KAZN: variants seen among roughly 807,000 people sequenced by gnomAD.
KAZN encodes the protein kazrin.
Under a neutral mutation model 87.4 loss-of-function variants are expected in KAZN, and 40 were observed. The ratio of observed to expected loss-of-function variants is 0.46; its 90% confidence interval spans 0.36 to 0.60. The LOEUF (loss-of-function observed/expected upper bound fraction) is 0.60. Ranked by LOEUF, KAZN falls within the 20% of genes least tolerant of loss-of-function variation. KAZN has a pLI of 0.00. For missense variants in KAZN, 898 were observed against 1,073.9 expected, an observed-to-expected ratio of 0.84 and a Z score of 2.29; for synonymous variants, 466 against 458.3, an observed-to-expected ratio of 1.02 and a Z score of -0.22.
rs940830211 is a variant in KAZN, at chr1:14,666,039, T to TA, written c.226+66827dup. Among the ~76,000 whole-genome samples the TA allele has an allele frequency of 1.0e-3, 146 of 145,236 alleles. 1 individual carries two copies. Among genetic ancestry groups the TA allele is most frequent in the African/African-American group, 2.6e-3 (104 of 39,624 alleles). ...CCTCAGCCATCTCATCCTTGGAATT[T>TA]AAAAAAAAAAAGCTTTACAGAGAAG... is the stretch of plus-strand genomic sequence containing the variant. On this transcript the variant is annotated intron_variant, in intron 1 of 14. Coordinates refer to ENST00000376030, the MANE Select transcript of KAZN (RefSeq NM_201628.3).
intron 2 of KAZN, among the ~76,000 whole-genome samples, chr1:14,300,413 G>A (rs540403333): frequency 1.3e-5 from 2 of 151,992 alleles, no homozygotes; most frequent in African/African-American, 4.8e-5. Flanking sequence ...TGAATTTTCT[G>A]TAGAGATGAG....
At chr1:14,315,886 A>AT (rs144726128) in intron 2 of KAZN, among the ~76,000 whole-genome samples, 13,426 of 149,276 alleles carry the variant, frequency 0.09, 744 homozygotes, top group East Asian at 0.23. Context: ...TTGTATGAAC[A>AT]TTTTTTTTTT....
chr1:13,990,043 G>A (rs1391914337), intron 1 of KAZN, among the ~76,000 whole-genome samples: 1 of 152,204 alleles, frequency 6.6e-6, no homozygotes, highest in African/African-American at 2.4e-5. Context: ...CCAATAGGGA[G>A]ACTGAAACAG....
chr1:14,866,718 CTG>C (rs776887590), intron 1 of KAZN, among the ~76,000 whole-genome samples: 14 of 152,160 alleles, frequency 9.2e-5, no homozygotes, highest in Non-Finnish European at 1.8e-4. Context: ...CAGACTGAGA[CTG>C]TGTCTCTTAA....
chr1:14,373,273 G>A (rs1344513784), intron 2 of KAZN, among the ~76,000 whole-genome samples: 1 of 151,766 alleles, frequency 6.6e-6, no homozygotes, highest in African/African-American at 2.4e-5. Flanking sequence ...CATGGAGACT[G>A]AGAAATCCCA....
chr1:14,385,946 C>G (rs1186087226), intron 2 of KAZN, among the ~76,000 whole-genome samples: 1 of 150,514 alleles, frequency 6.6e-6, no homozygotes, highest in Non-Finnish European at 1.5e-5. Flanking sequence ...GTGTGGGAGT[C>G]TAAGTCTCTT....
intron 1 of KAZN, among the ~76,000 whole-genome samples, chr1:14,919,938 C>T (rs897461145): frequency 6.6e-5 from 10 of 152,096 alleles, no homozygotes; most frequent in East Asian, 3.9e-4. Flanking sequence ...TGGGTAAGTA[C>T]GCTTTATGAT....
In KAZN at chr1:14,773,105, C is replaced by T. The variant is rs1435492180; in HGVS notation, c.226+173882C>T. Among the ~76,000 whole-genome samples the T allele has an allele frequency of 6.6e-6, 1 of 152,150 alleles. No homozygotes were observed. The highest frequency in any genetic ancestry group is 1.5e-5 in the Non-Finnish European group (1 of 68,024). On this transcript the variant is annotated intron_variant, in intron 1 of 14. Transcript: ENST00000376030. The surrounding 1 kb of genome is among the most constrained non-coding windows in gnomAD (Gnocchi z 5.9). ...CCCTAGTCCCCCACAAAGGTAGCAT[C>T]TGGTGGAGAGAAAAGGTTGCCCTCT...
At chr1:14,155,305 C>G (rs1645568588) in intron 1 of KAZN, among the ~76,000 whole-genome samples, 1 of 152,038 alleles carries the variant, frequency 6.6e-6, no homozygotes, top group Non-Finnish European at 1.5e-5. Flanking sequence ...TCTAGATTTT[C>G]CAATTTATTG....
intron 1 of KAZN, among the ~76,000 whole-genome samples, chr1:14,093,813 A>G (rs1271520486): frequency 2.6e-5 from 4 of 152,244 alleles, no homozygotes; most frequent in Non-Finnish European, 5.9e-5. Context: ...GGTTCAATGA[A>G]GAAGATTCTC....
chr1:13,919,143 A>G (rs932223897), intron 1 of KAZN, among the ~76,000 whole-genome samples: 2 of 152,242 alleles, frequency 1.3e-5, no homozygotes, highest in Admixed American at 1.3e-4. Flanking sequence ...CTGTATAACC[A>G]CTTCTCAGCA....
chr1:15,058,824 G>A (rs535225926), intron 5 of KAZN, among the ~76,000 whole-genome samples: 2 of 152,210 alleles, frequency 1.3e-5, no homozygotes, highest in Non-Finnish European at 2.9e-5. Context: ...TTCGAGACCA[G>A]CCTGGCCAGC....
chr1:14,558,547 AT>A (rs1674055844), intron 2 of KAZN, among the ~76,000 whole-genome samples: 1 of 152,142 alleles, frequency 6.6e-6, no homozygotes, highest in Non-Finnish European at 1.5e-5. Flanking sequence ...CCAATTTCTT[AT>A]TCTTTTTGAA....
chr1:14,824,485 A>G (rs992989029), intron 1 of KAZN, among the ~76,000 whole-genome samples: 1 of 152,190 alleles, frequency 6.6e-6, no homozygotes, highest in Non-Finnish European at 1.5e-5. Flanking sequence ...CCCGGCACCC[A>G]ACAGCTGTTG....
chr1:14,917,775 C>T (rs1189805378), intron 1 of KAZN, among the ~76,000 whole-genome samples: 2 of 152,204 alleles, frequency 1.3e-5, no homozygotes, highest in Admixed American at 1.3e-4. Flanking sequence ...CCCCAATGAT[C>T]CTGCCTCCTG....
chr1:14,526,771 T>C (rs1173309305), intron 2 of KAZN, among the ~76,000 whole-genome samples: 2 of 152,190 alleles, frequency 1.3e-5, no homozygotes, highest in Admixed American at 6.5e-5. Flanking sequence ...AAGGTACAGA[T>C]ACTTCATTAA....
chr1:14,713,976 A>G (rs1431521570), intron 1 of KAZN, among the ~76,000 whole-genome samples: 2 of 152,096 alleles, frequency 1.3e-5, no homozygotes, highest in Admixed American at 1.3e-4. Flanking sequence ...AGAAAGAAAG[A>G]AAAATAATAT....
intron 1 of KAZN, among the ~76,000 whole-genome samples, chr1:14,634,111 G>A (rs1679785595): frequency 6.6e-6 from 1 of 152,062 alleles, no homozygotes; most frequent in African/African-American, 2.4e-5. Context: ...CTCTTTGCAT[G>A]CCTAGTTCCT....
In KAZN at chr1:14,678,520, T is replaced by G. The variant is rs116182122; in HGVS notation, c.226+79297T>G. On this transcript the variant is annotated intron_variant, in intron 1 of 14. Coordinates refer to ENST00000376030, the MANE Select transcript of KAZN (RefSeq NM_201628.3). ...GCTTGCAGGCGGCCTATCGTGGGAC[T>G]TTACCCTGTGATCGTGTGAGTCAAT... Among the ~76,000 whole-genome samples, 1,287 of 152,318 alleles carry G rather than the reference T, an allele frequency of 8.4e-3. 8 individuals carry two copies. The highest frequency in any genetic ancestry group is 0.013 in the Non-Finnish European group (854 of 68,032).
Sources: allele counts gnomAD v4.1 joint callset (sites outside exome capture counted in the v4.1 genomes callset), GRCh38; gene constraint gnomAD v4.1.1; non-coding constraint Gnocchi (gnomAD v3.1); transcripts MANE v1.5; gene names NCBI Gene and HGNC (gene_info 2026-07-23, HGNC 2026-07-21).